Variants in GALNTL6 observed in about 807,000 individuals in gnomAD.
The protein encoded by GALNTL6 is polypeptide N-acetylgalactosaminyltransferase-like 6.
GALNTL6 carries 46 observed loss-of-function variants against 73.7 expected under a neutral mutation model. That is an observed-to-expected ratio of 0.62 (90% CI 0.49 to 0.80). GALNTL6 has a LOEUF of 0.80. GALNTL6 is among the 30% of genes least tolerant of loss of function. The probability of loss-of-function intolerance (pLI) is 0.00; values close to 1 mark genes in which losing one functional copy is unlikely to be tolerated. For missense variants in GALNTL6, 604 were observed against 755.0 expected (o/e 0.80, Z 2.34); for synonymous variants, 259 against 263.7 (o/e 0.98, Z 0.17).
intron 5 of GALNTL6, among the ~76,000 whole-genome samples, chr4:172,595,906 T>C (rs1396404601): frequency 6.6e-6 from 1 of 152,140 alleles, no homozygotes; most frequent in Non-Finnish European, 1.5e-5. Flanking sequence ...TATCTAAGTA[T>C]CCAACTTTGT....
rs141777673 is a variant in GALNTL6 at position 172,790,187 on chromosome 4, G to A, written c.554-19174G>A. Among the ~76,000 whole-genome samples, 346 of 152,318 alleles carry A rather than the reference G, an allele frequency of 2.3e-3. 4 individuals carry two copies. The highest frequency in any genetic ancestry group is 0.021 in the South Asian group (103 of 4,824). On this transcript the variant is annotated intron_variant, in intron 5 of 12. Transcript: ENST00000506823. ...CTTTTGGTTCTGAGGGCCCAGCTGAGGCTGAAGGGTTATCTATTTATTGTG... is the reference window on the plus strand; with the variant it reads ...CTTTTGGTTCTGAGGGCCCAGCTGAAGCTGAAGGGTTATCTATTTATTGTG...
intron 7 of GALNTL6, among the ~76,000 whole-genome samples, chr4:172,828,529 G>A (rs972871466): frequency 6.6e-6 from 1 of 151,958 alleles, no homozygotes; most frequent in African/African-American, 2.4e-5. Context: ...TTCTTCAAAT[G>A]TATGATCTGA....
At chr4:172,524,637 A>G (rs1054780870) in intron 5 of GALNTL6, among the ~76,000 whole-genome samples, 4 of 152,200 alleles carry the variant, frequency 2.6e-5, no homozygotes, top group Non-Finnish European at 1.5e-5. Flanking sequence ...ACACACATGC[A>G]CACATTTCTT....
chr4:172,222,502 A>G (rs190135759), intron 2 of GALNTL6, among the ~76,000 whole-genome samples: 1 of 152,078 alleles, frequency 6.6e-6, no homozygotes, highest in Admixed American at 6.6e-5. Flanking sequence ...AAGATAAAAG[A>G]TCTCATCTGG....
intron 5 of GALNTL6, among the ~76,000 whole-genome samples, chr4:172,428,180 A>G (rs906688351): frequency 4.6e-5 from 7 of 152,188 alleles, no homozygotes; most frequent in Non-Finnish European, 8.8e-5. Flanking sequence ...ATATTAAAAT[A>G]TAAAAATGTC....
chr4:172,895,931 C>G (rs1480513914), intron 8 of GALNTL6, among the ~76,000 whole-genome samples: 1 of 152,100 alleles, frequency 6.6e-6, no homozygotes, highest in Admixed American at 6.5e-5. Context: ...TCATTTCATG[C>G]ATTGTATTTG....
intron 5 of GALNTL6, among the ~76,000 whole-genome samples, chr4:172,499,740 CA>C (rs573297359): frequency 3.2e-4 from 49 of 152,114 alleles, no homozygotes; most frequent in African/African-American, 1.1e-3. Context: ...AAAATCTCAC[CA>C]AAGAAATAGA....
At chr4:172,167,725 G>A (rs1322862353) in intron 2 of GALNTL6, among the ~76,000 whole-genome samples, 6 of 151,602 alleles carry the variant, frequency 4.0e-5, no homozygotes, top group South Asian at 2.1e-4. Flanking sequence ...TTGGGAGGCC[G>A]AGGCGGGTGG....
intron 2 of GALNTL6, among the ~76,000 whole-genome samples, chr4:172,106,423 A>G (rs982712518): frequency 6.6e-6 from 1 of 152,200 alleles, no homozygotes; most frequent in Admixed American, 6.5e-5. Context: ...GAAACTCTTT[A>G]ATCTATGTAA....
chr4:172,301,279 T>C (rs950743787), intron 3 of GALNTL6, among the ~76,000 whole-genome samples: 2 of 152,194 alleles, frequency 1.3e-5, no homozygotes, highest in Non-Finnish European at 2.9e-5. Flanking sequence ...TAATCTTTTT[T>C]CAAGGCTTTT....
chr4:171,914,428 C>CTTTTTT (rs33924519), intron 2 of GALNTL6, among the ~76,000 whole-genome samples: 5 of 103,816 alleles, frequency 4.8e-5, no homozygotes, highest in Non-Finnish European at 9.5e-5. Flanking sequence ...GGAAAATGTA[C>CTTTTTT]TTTTTTTTTT....
chr4:172,230,819 T>A (rs539461059), intron 3 of GALNTL6, among the ~76,000 whole-genome samples: 1 of 150,756 alleles, frequency 6.6e-6, no homozygotes, highest in South Asian at 2.1e-4. Context: ...CCTGAGACAC[T>A]GCATTCAAGG....
chr4:172,053,581 C>T (rs572706090), intron 2 of GALNTL6, among the ~76,000 whole-genome samples: 1 of 152,108 alleles, frequency 6.6e-6, no homozygotes, highest in Non-Finnish European at 1.5e-5. Context: ...TTTTAAAGTA[C>T]TTCAGTATTT....
intron 2 of GALNTL6, among the ~76,000 whole-genome samples, chr4:172,044,192 C>T (rs751015128): frequency 2.6e-5 from 4 of 151,834 alleles, no homozygotes; most frequent in Admixed American, 6.6e-5. Flanking sequence ...GTTACTCAGT[C>T]GCCTAAAATT....
At chr4:172,677,641 G>A (rs1047676515) in intron 5 of GALNTL6, among the ~76,000 whole-genome samples, 1 of 151,994 alleles carries the variant, frequency 6.6e-6, no homozygotes, top group Non-Finnish European at 1.5e-5. Flanking sequence ...TGGATACACT[G>A]GCCAGCCACG....
At chr4:172,419,116 G>A (rs546745324) in intron 5 of GALNTL6, among the ~76,000 whole-genome samples, 2 of 152,240 alleles carry the variant, frequency 1.3e-5, no homozygotes, top group South Asian at 2.1e-4. Flanking sequence ...GTGTATGTGT[G>A]TGTGTGACAT....
intron 5 of GALNTL6, among the ~76,000 whole-genome samples, chr4:172,595,193 G>C (rs1436105496): frequency 6.6e-6 from 1 of 152,074 alleles, no homozygotes; most frequent in Admixed American, 6.5e-5. Context: ...TGAATTTGTG[G>C]GGGAGCACAA....
chr4:172,609,506 C>T (rs761056223), intron 5 of GALNTL6, among the ~76,000 whole-genome samples: 11 of 151,924 alleles, frequency 7.2e-5, no homozygotes, highest in East Asian at 1.9e-4. Context: ...TTGATCATGG[C>T]GCAGAAGCCT....
intron 10 of GALNTL6, among the ~76,000 whole-genome samples, chr4:172,977,151 A>G (rs1301566270): frequency 1.3e-5 from 2 of 152,250 alleles, no homozygotes; most frequent in African/African-American, 4.8e-5. Flanking sequence ...ATGGAATCAG[A>G]ACACAGACGA....
Sources: allele counts gnomAD v4.1 joint callset (sites outside exome capture counted in the v4.1 genomes callset), GRCh38; gene constraint gnomAD v4.1.1; transcripts MANE v1.5; gene names NCBI Gene and HGNC (gene_info 2026-07-23, HGNC 2026-07-21).